DNER: variants seen among roughly 807,000 people sequenced by gnomAD.
DNER encodes the protein delta/notch like EGF repeat containing.
Under a neutral mutation model 78.2 loss-of-function variants are expected in DNER, and 33 were observed. The observed-to-expected ratio is 0.42, with a 90% confidence interval of 0.32 to 0.56. DNER has a LOEUF of 0.56. Ranked by LOEUF, DNER falls within the 20% of genes least tolerant of loss-of-function variation. The pLI, the probability that DNER is intolerant of heterozygous loss-of-function variation, is 0.11. For synonymous variants in DNER, 417 were observed against 384.8 expected (o/e 1.08, Z -0.98); for missense variants, 918 against 975.3 (o/e 0.94, Z 0.78).
At chr2:229,656,976 C>T (rs1698922593) in intron 1 of DNER, among the ~76,000 whole-genome samples, 1 of 91,460 alleles carries the variant, frequency 1.1e-5, no homozygotes. Flanking sequence ...CATCACATCA[C>T]AGTTACCACG....
chr2:229,413,321 CT>C (rs398061160), intron 9 of DNER, among the ~76,000 whole-genome samples: 2 of 67,780 alleles, frequency 3.0e-5, no homozygotes, highest in African/African-American at 4.9e-5. Flanking sequence ...TTTTCTTCTT[CT>C]TTTTTTTTTT....
chr2:229,404,219 C>T (rs1034331116), intron 10 of DNER, among the ~76,000 whole-genome samples: 11 of 152,128 alleles, frequency 7.2e-5, no homozygotes, highest in African/African-American at 2.7e-4. Context: ...TTAGTCTGTT[C>T]TCACACTGCT....
intron 8 of DNER, among the ~76,000 whole-genome samples, chr2:229,426,399 C>T (rs1693878175): frequency 7.0e-6 from 1 of 143,458 alleles, no homozygotes; most frequent in African/African-American, 2.6e-5. Flanking sequence ...CAAGATTGCG[C>T]CACTGCACTC....
intron 1 of DNER, among the ~76,000 whole-genome samples, chr2:229,713,726 C>A (rs927233577): frequency 3.3e-5 from 5 of 152,240 alleles, no homozygotes; most frequent in Non-Finnish European, 7.3e-5. Flanking sequence ...CAGGGTCCAG[C>A]CGGACGTGGA....
chr2:229,549,141 G>T (rs780899329), intron 4 of DNER, among the ~76,000 whole-genome samples: 19 of 152,258 alleles, frequency 1.2e-4, no homozygotes, highest in Non-Finnish European at 2.1e-4. Flanking sequence ...TGCATGGAAA[G>T]AAACACACCA....
chr2:229,372,909 T>C (rs1262668279), intron 11 of DNER, among the ~76,000 whole-genome samples: 1 of 152,076 alleles, frequency 6.6e-6, no homozygotes, highest in African/African-American at 2.4e-5. Flanking sequence ...GGCCAATTCC[T>C]GGTTTCCTGG....
intron 7 of DNER, among the ~76,000 whole-genome samples, chr2:229,452,115 T>C (rs16826033): frequency 6.6e-6 from 1 of 152,320 alleles, no homozygotes; most frequent in African/African-American, 2.4e-5. Flanking sequence ...CTGAGGCTAC[T>C]GGATATCATC....
chr2:229,503,377 C>T (rs537386605), intron 6 of DNER, among the ~76,000 whole-genome samples: 1 of 152,194 alleles, frequency 6.6e-6, no homozygotes. Flanking sequence ...GTGGCCAAAC[C>T]TAATGTCCCT....
At position 229,388,284 on chromosome 2, in the gene DNER, C is replaced by A. The variant is rs777541195; in HGVS notation, c.1836G>T (p.Val612=). 6 of 1,608,038 alleles carry A rather than the reference C, an allele frequency of 3.7e-6. No individual in the cohort carries two copies. The highest frequency in any genetic ancestry group is 1.7e-4 in the Middle Eastern group (1 of 6,040). The change falls in exon 11 of 13, where the codon GTG becomes GTT. Residue 612 remains valine, a synonymous_variant. Coordinates refer to ENST00000341772, the MANE Select transcript of DNER (RefSeq NM_139072.4). ...ACTTACGGATCTCACAGTTTGCTCC[C>A]ACCCAACCATGCGGGCAGTGGCAGT... ...GYNCHCPHGW[V]GANCEIHLQW...
At chr2:229,684,573 C>A (rs1483028894) in intron 1 of DNER, among the ~76,000 whole-genome samples, 1 of 152,116 alleles carries the variant, frequency 6.6e-6, no homozygotes, top group Non-Finnish European at 1.5e-5. Context: ...GTCTGCTGGG[C>A]CCCTCAGACT....
At chr2:229,589,465 C>T (rs1485349682) in intron 2 of DNER, among the ~76,000 whole-genome samples, 1 of 152,172 alleles carries the variant, frequency 6.6e-6, no homozygotes, top group Non-Finnish European at 1.5e-5. Flanking sequence ...CTTTATGTTT[C>T]CAAAGCATCA....
At chr2:229,528,754 G>A (rs567616855) in intron 5 of DNER, among the ~76,000 whole-genome samples, 5 of 152,288 alleles carry the variant, frequency 3.3e-5, no homozygotes, top group South Asian at 2.1e-4. Context: ...AGGCCTTCCC[G>A]TGCTTCTTAC....
intron 8 of DNER, among the ~76,000 whole-genome samples, chr2:229,438,841 A>G (rs187402738): frequency 1.2e-4 from 18 of 152,294 alleles, no homozygotes; most frequent in Admixed American, 1.2e-3. Flanking sequence ...TTATACTTAC[A>G]CTTCATAAGC....
At chr2:229,710,044 T>C (rs1308564346) in intron 1 of DNER, among the ~76,000 whole-genome samples, 1 of 151,944 alleles carries the variant, frequency 6.6e-6, no homozygotes, top group Non-Finnish European at 1.5e-5. Flanking sequence ...ATCAGAAACA[T>C]TTTTTTTATG....
At chr2:229,457,158 A>G (rs1258422792) in intron 7 of DNER, among the ~76,000 whole-genome samples, 11 of 152,126 alleles carry the variant, frequency 7.2e-5, no homozygotes, top group Admixed American at 7.2e-4. Context: ...GCCACACTAC[A>G]AAAATACTAA....
At chr2:229,692,070 A>G (rs1699585463) in intron 1 of DNER, among the ~76,000 whole-genome samples, 1 of 152,220 alleles carries the variant, frequency 6.6e-6, no homozygotes, top group Admixed American at 6.5e-5. Context: ...AGGTGATATA[A>G]GTTGAGCTCC....
intron 1 of DNER, among the ~76,000 whole-genome samples, chr2:229,681,382 T>C (rs1289090444): frequency 1.3e-5 from 2 of 152,196 alleles, no homozygotes; most frequent in Non-Finnish European, 2.9e-5. Flanking sequence ...TGGATGCACC[T>C]GGAAATTAAT....
chr2:229,418,794 G>A lies in DNER; in HGVS notation c.1487-564C>T, dbSNP rs191413464. Among the ~76,000 whole-genome samples the A allele has an allele frequency of 2.4e-3, 371 of 152,112 alleles. 3 individuals are homozygous for A. The highest frequency in any genetic ancestry group is 3.6e-3 in the Non-Finnish European group (244 of 68,002). On this transcript the variant is annotated intron_variant, in intron 8 of 12. Coordinates refer to ENST00000341772, the MANE Select transcript of DNER (RefSeq NM_139072.4). ...AAATTAGCCAGGCGTGGTGGCGGGC[G>A]CCTGTAATCCCAGCTACTCAGTAGG...
At chr2:229,608,650 T>C (rs1166830764) in intron 1 of DNER, among the ~76,000 whole-genome samples, 2 of 152,136 alleles carry the variant, frequency 1.3e-5, no homozygotes, top group Non-Finnish European at 2.9e-5. Flanking sequence ...TATGCCTATA[T>C]TGTAAAAATA....
Sources: gnomAD v4.1 joint callset for allele counts (sites outside exome capture counted in the v4.1 genomes callset) on GRCh38, gnomAD v4.1.1 for gene constraint, MANE v1.5 for transcripts, NCBI Gene and HGNC (gene_info 2026-07-23, HGNC 2026-07-21) for gene names.